FHOD3: variants seen among roughly 807,000 people sequenced by gnomAD.
The protein encoded by FHOD3 is FH1/FH2 domain-containing protein 3.
FHOD3 carries 90 observed loss-of-function variants against 173.0 expected under a neutral mutation model. The ratio of observed to expected loss-of-function variants is 0.52; its 90% CI spans 0.44 to 0.62. FHOD3 has a LOEUF of 0.62. FHOD3 is among the 20% of genes least tolerant of loss of function. The pLI, the probability that FHOD3 is intolerant of heterozygous loss-of-function variation, is 0.00. For missense variants in FHOD3, 1,945 were observed against 2,034.7 expected (o/e 0.96, Z 0.85); for synonymous variants, 828 against 823.0 (o/e 1.01, Z -0.10).
chr18:36,329,990 G>A (rs538494952), intron 1 of FHOD3, among the ~76,000 whole-genome samples: 25 of 152,306 alleles, frequency 1.6e-4, no homozygotes, highest in Admixed American at 6.5e-4. Context: ...GATGAGTCAG[G>A]TCTACCAGGG....
At chr18:36,657,039 C>A (rs565014331) in intron 13 of FHOD3, among the ~76,000 whole-genome samples, 1 of 152,158 alleles carries the variant, frequency 6.6e-6, no homozygotes, top group Non-Finnish European at 1.5e-5. Context: ...CTTACTCTGT[C>A]GAAGGATACA....
intron 3 of FHOD3, among the ~76,000 whole-genome samples, chr18:36,402,146 C>T (rs1053076184): frequency 1.3e-5 from 2 of 152,052 alleles, no homozygotes; most frequent in African/African-American, 4.8e-5. Context: ...GGGCAAGGTG[C>T]GAGAGAAGTA....
At chr18:36,446,817 G>A (rs945519116) in intron 3 of FHOD3, among the ~76,000 whole-genome samples, 3 of 152,106 alleles carry the variant, frequency 2.0e-5, no homozygotes, top group African/African-American at 7.2e-5. Flanking sequence ...AGTAGAATGA[G>A]TTATTGAAAG....
At chr18:36,365,508 G>T (rs976020829) in intron 2 of FHOD3, among the ~76,000 whole-genome samples, 5 of 151,976 alleles carry the variant, frequency 3.3e-5, no homozygotes, top group African/African-American at 4.8e-5. Flanking sequence ...GTTGCCTCTT[G>T]CTGAGTGTGG....
chr18:36,405,441 GGTAA>G (rs2049010501), intron 3 of FHOD3, among the ~76,000 whole-genome samples: 1 of 152,242 alleles, frequency 6.6e-6, no homozygotes, highest in South Asian at 2.1e-4. Context: ...TGGAGGTAGA[GGTAA>G]GTGTCAGGCT....
chr18:36,479,222 C>A (rs1324168897), intron 3 of FHOD3, among the ~76,000 whole-genome samples: 2 of 152,180 alleles, frequency 1.3e-5, no homozygotes, highest in Non-Finnish European at 1.5e-5. Flanking sequence ...AAAGATTATG[C>A]CTTAAATGTG....
At chr18:36,439,555 G>T (rs987187053) in intron 3 of FHOD3, among the ~76,000 whole-genome samples, 76 of 149,764 alleles carry the variant, frequency 5.1e-4, no homozygotes, top group African/African-American at 1.9e-3. Context: ...GTGTGTGTGT[G>T]TGTGTGTGTG....
chr18:36,552,502 CTT>C (rs200765398), intron 5 of FHOD3, among the ~76,000 whole-genome samples: 20 of 141,998 alleles, frequency 1.4e-4, no homozygotes, highest in Admixed American at 1.4e-4. Context: ...TTTTCTTTTT[CTT>C]TTTTTTTTTT....
intron 9 of FHOD3, among the ~76,000 whole-genome samples, chr18:36,618,774 T>C (rs74340801): frequency 0.01 from 1,588 of 152,252 alleles, 23 homozygotes; most frequent in African/African-American, 0.036. Flanking sequence ...TTGTAAGCTG[T>C]GTTTGTCAGT....
At chr18:36,335,077 T>A (rs1250382310) in intron 1 of FHOD3, among the ~76,000 whole-genome samples, 1 of 152,350 alleles carries the variant, frequency 6.6e-6, no homozygotes, top group East Asian at 1.9e-4. Flanking sequence ...TGGATGCACA[T>A]GGCAGTCGCC....
intron 19 of FHOD3, among the ~76,000 whole-genome samples, chr18:36,723,593 A>C (rs2040901749): frequency 6.6e-6 from 1 of 152,118 alleles, no homozygotes; most frequent in Non-Finnish European, 1.5e-5. Context: ...ATGATTTACC[A>C]TTTCTAGAAC....
At chr18:36,643,575 C>T (rs1435627875) in intron 10 of FHOD3, among the ~76,000 whole-genome samples, 1 of 152,132 alleles carries the variant, frequency 6.6e-6, no homozygotes, top group African/African-American at 2.4e-5. Flanking sequence ...CTCGTATCAA[C>T]AATATATGAA....
At chr18:36,706,323 A>G (rs2039875885) in intron 17 of FHOD3, among the ~76,000 whole-genome samples, 1 of 152,214 alleles carries the variant, frequency 6.6e-6, no homozygotes, top group Admixed American at 6.5e-5. Context: ...CAGATTTGCA[A>G]TCAGACCTTG....
chr18:36,593,052 A>T (rs188857139), intron 6 of FHOD3, among the ~76,000 whole-genome samples: 1 of 152,330 alleles, frequency 6.6e-6, no homozygotes, highest in Admixed American at 6.5e-5. Context: ...TGAGAGACTG[A>T]GCACCCAAAA....
intron 3 of FHOD3, among the ~76,000 whole-genome samples, chr18:36,413,324 A>G (rs1450393257): frequency 1.3e-5 from 2 of 152,160 alleles, no homozygotes; most frequent in Admixed American, 6.5e-5. Context: ...GAACATATAC[A>G]TGGACACCCC....
intron 1 of FHOD3, among the ~76,000 whole-genome samples, chr18:36,342,022 A>C (rs1218428140): frequency 6.6e-6 from 1 of 152,228 alleles, no homozygotes; most frequent in Non-Finnish European, 1.5e-5. Flanking sequence ...TTAACAAAAC[A>C]AAATAGAGAA....
chr18:36,451,440 A>G (rs1476001274), intron 3 of FHOD3, among the ~76,000 whole-genome samples: 1 of 152,216 alleles, frequency 6.6e-6, no homozygotes, highest in South Asian at 2.1e-4. Context: ...CTTTCTTGGA[A>G]GTGGTCATAA....
At chr18:36,533,484 G>T (rs915324579) in intron 5 of FHOD3, among the ~76,000 whole-genome samples, 2 of 152,230 alleles carry the variant, frequency 1.3e-5, no homozygotes, top group African/African-American at 4.8e-5. Context: ...TGTCCTCAAA[G>T]TGGATGGTGA....
intron 6 of FHOD3, among the ~76,000 whole-genome samples, chr18:36,579,729 G>C (rs2058777148): frequency 6.6e-6 from 1 of 152,104 alleles, no homozygotes; most frequent in African/African-American, 2.4e-5. Flanking sequence ...AGAGAGACTG[G>C]GCCCTCACAG....
Sources: gnomAD v4.1 joint callset for allele counts (sites outside exome capture counted in the v4.1 genomes callset) on GRCh38, gnomAD v4.1.1 for gene constraint, MANE v1.5 for transcripts, NCBI Gene and HGNC (gene_info 2026-07-23, HGNC 2026-07-21) for gene names.